The following ATP13A3 variants were observed in gnomAD, a reference collection of about 807,000 sequenced individuals.
ATP13A3 encodes the protein ATPase 13A3, also known as polyamine-transporting ATPase 13A3.
ATP13A3 carries 59 observed loss-of-function variants against 158.1 expected under a neutral mutation model. That is an observed-to-expected ratio of 0.37 (90% CI 0.30 to 0.46). The LOEUF (loss-of-function observed/expected upper bound fraction) is 0.46. Ranked by LOEUF, ATP13A3 falls within the 20% of genes least tolerant of loss-of-function variation. The pLI, the probability that ATP13A3 is intolerant of heterozygous loss-of-function variation, is 1.00. For synonymous variants in ATP13A3, 491 were observed against 504.3 expected (o/e 0.97, Z 0.35); for missense variants, 1,166 against 1,525.2 (o/e 0.76, Z 3.92).
At chr3:194,446,371 C>T (rs1718404660) in intron 14 of ATP13A3, among the ~76,000 whole-genome samples, 1 of 152,094 alleles carries the variant, frequency 6.6e-6, no homozygotes, top group African/African-American at 2.4e-5. Flanking sequence ...GTTAAGTGAA[C>T]CAGCACATTT....
At chr3:194,465,040 C>T (rs539170460) in intron 2 of ATP13A3, among the ~76,000 whole-genome samples, 4 of 152,124 alleles carry the variant, frequency 2.6e-5, no homozygotes, top group Non-Finnish European at 4.4e-5. Context: ...CAAGTTGAGA[C>T]AAAAGGGATC....
rs1009088431 is a variant in ATP13A3 at position 194,405,722 on chromosome 3, T to C, written c.*197A>G. On this transcript the variant is annotated 3_prime_UTR_variant, in exon 34 of 34. Transcript: ENST00000645319. ...GAATGAAGATATAGGACTTTATGGATTGATTGTTAATTTAACTGTTAGGAC... is the reference window on the plus strand; with the variant it reads ...GAATGAAGATATAGGACTTTATGGACTGATTGTTAATTTAACTGTTAGGAC... The C allele has an allele frequency of 5.2e-6, 3 of 577,926 alleles. No homozygotes were observed. The highest frequency in any genetic ancestry group is 3.2e-5 in the Admixed American group (1 of 31,440). 35.8% of individuals were successfully genotyped at this position (577,926 alleles called of 1,614,324 possible).
At chr3:194,430,009 T>C in intron 26 of ATP13A3, 63 bp downstream of exon 26, 1 of 1,381,300 alleles carries the variant, frequency 7.2e-7, no homozygotes, top group African/African-American at 1.5e-5. Flanking sequence ...TTTATGATAA[T>C]TTTCTCTTCT....
At chr3:194,467,891 T>A (rs1177206245) in intron 2 of ATP13A3, 1 of 152,148 alleles carries the variant, frequency 6.6e-6, no homozygotes, top group Non-Finnish European at 1.5e-5. Context: ...TACAGAAATA[T>A]AACTTTTCTG....
chr3:194,428,385 C>T (rs1253288129), intron 28 of ATP13A3, among the ~76,000 whole-genome samples: 1 of 151,876 alleles, frequency 6.6e-6, no homozygotes, highest in African/African-American at 2.4e-5. Context: ...GATTTTGCAC[C>T]CCAAAGGAGC....
At chr3:194,439,819 T>G (rs574821663) in intron 16 of ATP13A3, among the ~76,000 whole-genome samples, 1 of 152,334 alleles carries the variant, frequency 6.6e-6, no homozygotes, top group Middle Eastern at 3.4e-3. Flanking sequence ...ATTATACACA[T>G]TTTCTTAATT....
chr3:194,437,365 C>A lies in ATP13A3; in HGVS notation c.1945G>T (p.Ala649Ser). Residue 649 changes from alanine (A) to serine (S), a missense_variant, in exon 19 of 34, where the codon GCC becomes TCC. By Grantham distance (99) the Ala-to-Ser change is moderately conservative. Transcript: ENST00000645319. Reference protein sequence around the residue: ...ARVLGDRKMDAYMKGAPEAIA... With the variant: ...ARVLGDRKMDSYMKGAPEAIA... ...GCCTCGGGCGCTCCTTTCATGTAGG[C>A]GTCCATTTTCCTATCCCCCAGCACC... The A allele has an allele frequency of 6.2e-7, 1 of 1,614,176 alleles. No homozygotes were observed. The highest frequency in any genetic ancestry group is 1.3e-5 in the African/African-American group (1 of 75,046).
chr3:194,437,286 A>G (rs1258319754), intron 19 of ATP13A3, 25 bp downstream of exon 19: 10 of 1,614,164 alleles, frequency 6.2e-6, no homozygotes, highest in Non-Finnish European at 8.5e-6. Context: ...CCAGAATTGT[A>G]CCCAAAGCAT....
At chr3:194,447,172 T>C in intron 13 of ATP13A3, 57 bp from the exon 14 acceptor site, 1 of 1,420,882 alleles carries the variant, frequency 7.0e-7, no homozygotes, top group Non-Finnish European at 9.7e-7. Flanking sequence ...GGATTTAATA[T>C]GGGTATTTCT....
intron 16 of ATP13A3, among the ~76,000 whole-genome samples, chr3:194,439,280 G>A (rs531362103): frequency 6.6e-6 from 1 of 152,324 alleles, no homozygotes; most frequent in Non-Finnish European, 1.5e-5. Context: ...TGGGTTTAGA[G>A]ACTAGCTCTG....
chr3:194,425,480 T>G lies in ATP13A3; in HGVS notation c.3175A>C (p.Asn1059His). The G allele has an allele frequency of 1.2e-6, 2 of 1,613,660 alleles. No individual in the cohort carries two copies. The highest frequency in any genetic ancestry group is 1.7e-6 in the Non-Finnish European group (2 of 1,179,856). ...TTATGTTCATCAAGTTCGGTTTCAT[T>G]GTCTACGTGTGAAGAATTCCAAAAC... ...SGFWNSSHVD[N>H]ETELDEHNIQ... The change falls in exon 30 of 34, where the codon AAT (asparagine) becomes CAT (histidine). Residue 1059 changes from asparagine to histidine, a missense_variant. Physicochemically the swap from Asn to His is moderately conservative, Grantham distance 68. This residue lies in a region of ATP13A3 where 997 missense variants were observed against 1,341.2 expected (regional missense o/e 0.74). Transcript: ENST00000645319.
At chr3:194,491,975 T>C (rs1721152511), upstream of ATP13A3, among the ~76,000 whole-genome samples, 1 of 152,196 alleles carries the variant, frequency 6.6e-6, no homozygotes, top group East Asian at 1.9e-4. Context: ...CAGTGCATTA[T>C]CACACAGCAG....
At chr3:194,408,222 G>A (rs1008952117) in intron 33 of ATP13A3, among the ~76,000 whole-genome samples, 1 of 152,076 alleles carries the variant, frequency 6.6e-6, no homozygotes, top group Non-Finnish European at 1.5e-5. Flanking sequence ...GTTTCACCAC[G>A]TTGGCCAAGA....
chr3:194,414,459 T>TA (rs35965987), intron 31 of ATP13A3, among the ~76,000 whole-genome samples: 41,545 of 134,082 alleles, frequency 0.31, 7,151 homozygotes, highest in African/African-American at 0.5. Flanking sequence ...GAACCTGCCT[T>TA]AAAAAAAAAA....
At chr3:194,435,912 A>G (rs75351457) in intron 20 of ATP13A3, among the ~76,000 whole-genome samples, 1 of 151,716 alleles carries the variant, frequency 6.6e-6, no homozygotes, top group Non-Finnish European at 1.5e-5. Flanking sequence ...GTCTCAAAAG[A>G]AAAAAAAAGA....
chr3:194,463,724 T>C (rs1260539467), intron 2 of ATP13A3, among the ~76,000 whole-genome samples: 1 of 152,194 alleles, frequency 6.6e-6, no homozygotes, highest in Non-Finnish European at 1.5e-5. Flanking sequence ...ATTTAAAAAA[T>C]GTGCACTAAG....
intron 2 of ATP13A3, among the ~76,000 whole-genome samples, chr3:194,493,499 T>A (rs1428019473): frequency 6.6e-6 from 1 of 151,792 alleles, no homozygotes; most frequent in African/African-American, 2.4e-5. Flanking sequence ...ATACAAAAAT[T>A]AGCCAGGTGT....
chr3:194,442,429 T>C (rs1718114782), intron 15 of ATP13A3, among the ~76,000 whole-genome samples: 1 of 152,126 alleles, frequency 6.6e-6, no homozygotes, highest in Non-Finnish European at 1.5e-5. Flanking sequence ...GAGACACCCA[T>C]ACCAATTCCT....
chr3:194,410,234 C>T (rs970373761), intron 33 of ATP13A3, among the ~76,000 whole-genome samples: 14 of 125,438 alleles, frequency 1.1e-4, no homozygotes, highest in African/African-American at 4.3e-4. Flanking sequence ...CCGAGGCAGG[C>T]AGATGGCTTG....
Sources: allele counts gnomAD v4.1 joint callset (sites outside exome capture counted in the v4.1 genomes callset), GRCh38; gene constraint gnomAD v4.1.1; regional missense constraint gnomAD v4.1.1; transcripts MANE v1.5; gene names NCBI Gene and HGNC (gene_info 2026-07-23, HGNC 2026-07-21).